The following SYNDIG1 variants were observed in gnomAD, a reference collection of about 807,000 sequenced individuals.
SYNDIG1 encodes synapse differentiation inducing 1.
SYNDIG1 carries 9 observed loss-of-function variants against 19.4 expected under a neutral mutation model. The ratio of observed to expected loss-of-function variants is 0.46; its 90% CI spans 0.28 to 0.81. The LOEUF (loss-of-function observed/expected upper bound fraction) is 0.81, where lower values mean the gene tolerates loss of function less well. Among genes scored for constraint, SYNDIG1 ranks in the 30% least tolerant of loss-of-function variants. The pLI, the probability that SYNDIG1 is intolerant of heterozygous loss-of-function variation, is 0.12. For missense variants in SYNDIG1, 311 were observed against 343.3 expected (o/e 0.91, Z 0.74); for synonymous variants, 141 against 145.9 (o/e 0.97, Z 0.24).
intron 1 of SYNDIG1, among the ~76,000 whole-genome samples, chr20:24,515,977 G>T (rs1035628206): frequency 6.6e-6 from 1 of 152,118 alleles, no homozygotes; most frequent in Admixed American, 6.5e-5. Flanking sequence ...CATGGTACTG[G>T]TACCAAAACA....
At chr20:24,589,281 T>C (rs1272454198) in intron 3 of SYNDIG1, among the ~76,000 whole-genome samples, 2 of 152,160 alleles carry the variant, frequency 1.3e-5, no homozygotes, top group East Asian at 3.8e-4. Flanking sequence ...TTAACAAAAC[T>C]GAAGTTTCAA....
intron 3 of SYNDIG1, among the ~76,000 whole-genome samples, chr20:24,595,254 A>G (rs991966630): frequency 6.6e-6 from 1 of 152,220 alleles, no homozygotes; most frequent in Non-Finnish European, 1.5e-5. Context: ...CCTTTTCTGC[A>G]TCTATTGAGA....
At chr20:24,585,351 G>A (rs1190238526) in intron 3 of SYNDIG1, among the ~76,000 whole-genome samples, 1 of 152,190 alleles carries the variant, frequency 6.6e-6, no homozygotes, top group Non-Finnish European at 1.5e-5. Context: ...CCAGTGCCGG[G>A]AAACACCATG....
At chr20:24,631,640 T>A (rs1019038600) in intron 3 of SYNDIG1, among the ~76,000 whole-genome samples, 1 of 152,240 alleles carries the variant, frequency 6.6e-6, no homozygotes, top group Non-Finnish European at 1.5e-5. Flanking sequence ...ACGTAAAATC[T>A]GCTGAGGCAT....
chr20:24,524,994 C>T (rs771940982), intron 1 of SYNDIG1, among the ~76,000 whole-genome samples: 2 of 152,056 alleles, frequency 1.3e-5, no homozygotes, highest in Non-Finnish European at 2.9e-5. Context: ...AGATGGGGCT[C>T]ATTAATTTTT....
rs534006052 is a variant in SYNDIG1 at position 24,568,099 on chromosome 20, C to T, written c.481-16757C>T. On this transcript the variant is annotated intron_variant, in intron 2 of 3. Transcript: ENST00000376862. Reference sequence around the variant, plus strand: ...GAGGTTGCAGTGAGTTGAGATCGCGCTATTGCACTCCAGCCTGGGCGACAG... The same window carrying T: ...GAGGTTGCAGTGAGTTGAGATCGCGTTATTGCACTCCAGCCTGGGCGACAG... 1.1e-4 allele frequency among the ~76,000 whole-genome samples: 16 copies of T among 152,226 alleles called. No individual in the cohort carries two copies. In the East Asian group the frequency reaches 3.1e-3, roughly 29 times the overall value.
intron 3 of SYNDIG1, among the ~76,000 whole-genome samples, chr20:24,654,037 A>G (rs1178076464): frequency 6.6e-6 from 1 of 152,250 alleles, no homozygotes; most frequent in African/African-American, 2.4e-5. Flanking sequence ...AATTCAGCCT[A>G]TAATAGTCCT....
chr20:24,651,058 G>C (rs1290624118), intron 3 of SYNDIG1, among the ~76,000 whole-genome samples: 1 of 152,100 alleles, frequency 6.6e-6, no homozygotes, highest in African/African-American at 2.4e-5. Context: ...GGGTAGTCTC[G>C]AACTCCTGAG....
intron 1 of SYNDIG1, chr20:24,495,937 T>A (rs894747853): frequency 6.6e-6 from 1 of 152,172 alleles, no homozygotes; most frequent in Non-Finnish European, 1.5e-5. Context: ...CTCCGCCTCC[T>A]GGGTTCACGC....
chr20:24,535,966 T>G (rs2057353685), intron 1 of SYNDIG1, among the ~76,000 whole-genome samples: 1 of 152,216 alleles, frequency 6.6e-6, no homozygotes, highest in African/African-American at 2.4e-5. Flanking sequence ...TCAGTGAAGT[T>G]CTTGACACAC....
chr20:24,601,829 G>C (rs1266729020), intron 3 of SYNDIG1, among the ~76,000 whole-genome samples: 1 of 152,062 alleles, frequency 6.6e-6, no homozygotes, highest in Non-Finnish European at 1.5e-5. Context: ...ATTTCCTTTA[G>C]AGTGGCTTTT....
chr20:24,613,513 G>A (rs773701722), intron 3 of SYNDIG1, among the ~76,000 whole-genome samples: 3 of 152,148 alleles, frequency 2.0e-5, no homozygotes, highest in East Asian at 1.9e-4. Flanking sequence ...CAACCCACCC[G>A]TTGTGCCTAG....
intron 3 of SYNDIG1, among the ~76,000 whole-genome samples, chr20:24,628,929 C>A (rs1883923): frequency 0.2 from 30,858 of 152,152 alleles, 3,891 homozygotes; most frequent in Admixed American, 0.35. Context: ...TTCTAAAGCC[C>A]CCCATATGGA....
chr20:24,620,824 A>AAAT (rs1568691241), intron 3 of SYNDIG1, among the ~76,000 whole-genome samples: 1 of 152,252 alleles, frequency 6.6e-6, no homozygotes, highest in East Asian at 1.9e-4. Flanking sequence ...TTGTTTTCCT[A>AAAT]AATACTTTAT....
chr20:24,660,741 G>A (rs1282273863), intron 3 of SYNDIG1, among the ~76,000 whole-genome samples: 1 of 152,244 alleles, frequency 6.6e-6, no homozygotes, highest in East Asian at 1.9e-4. Context: ...GCTGGCACAG[G>A]CCCTGTGTGT....
At chr20:24,528,790 G>A (rs2057180299) in intron 1 of SYNDIG1, among the ~76,000 whole-genome samples, 1 of 152,150 alleles carries the variant, frequency 6.6e-6, no homozygotes, top group Non-Finnish European at 1.5e-5. Context: ...CCCAAACTCA[G>A]GTTGTTTTCT....
At chr20:24,521,663 C>G (rs1416253131) in intron 1 of SYNDIG1, among the ~76,000 whole-genome samples, 1 of 151,974 alleles carries the variant, frequency 6.6e-6, no homozygotes, top group Non-Finnish European at 1.5e-5. Context: ...TTTGGGAGAC[C>G]GAGGAGGGTG....
At position 24,666,276 on chromosome 20, in the gene SYNDIG1, C is replaced by G. The variant is rs536108183; in HGVS notation, c.*772C>G. ...CTCAAGAAAGAGCCCCGCGGTTGCT[C>G]CGGAAACTCGAGGCACTGCAGCTAT... On this transcript the variant is annotated 3_prime_UTR_variant, in exon 4 of 4. Coordinates refer to ENST00000376862, the MANE Select transcript of SYNDIG1 (RefSeq NM_024893.3). The G allele has an allele frequency of 6.5e-6, 1 of 152,756 alleles. No individual in the cohort carries two copies. Among genetic ancestry groups the G allele is most frequent in the East Asian group, 1.9e-4 (1 of 5,162 alleles). 9.5% of individuals were successfully genotyped at this position (152,756 alleles called of 1,614,324 possible).
chr20:24,489,981 GT>G (rs2056100237), intron 1 of SYNDIG1, among the ~76,000 whole-genome samples: 1 of 152,224 alleles, frequency 6.6e-6, no homozygotes, highest in African/African-American at 2.4e-5. Flanking sequence ...CCATCTGTGT[GT>G]GGCCCCCGAG....
Sources: gnomAD v4.1 joint callset for allele counts (sites outside exome capture counted in the v4.1 genomes callset) on GRCh38, gnomAD v4.1.1 for gene constraint, MANE v1.5 for transcripts, NCBI Gene and HGNC (gene_info 2026-07-23, HGNC 2026-07-21) for gene names.